The following GMDS variants were observed in gnomAD, a reference collection of about 807,000 sequenced individuals.
The protein encoded by GMDS is GDP-mannose 4,6-dehydratase.
A neutral mutation model predicts 49.9 loss-of-function variants in GMDS; 20 were observed. The observed-to-expected ratio is 0.40, with a 90% CI of 0.28 to 0.58. The LOEUF (loss-of-function observed/expected upper bound fraction) is 0.58. GMDS is among the 20% of genes least tolerant of loss of function. The probability of loss-of-function intolerance (pLI) is 0.42; values close to 1 mark genes in which losing one functional copy is unlikely to be tolerated. For missense variants in GMDS, 362 were observed against 481.4 expected (o/e 0.75, Z 2.32); for synonymous variants, 177 against 178.6 (o/e 0.99, Z 0.07).
chr6:2,134,166 G>A (rs961550779), intron 1 of GMDS, among the ~76,000 whole-genome samples: 2 of 152,152 alleles, frequency 1.3e-5, no homozygotes, highest in African/African-American at 4.8e-5. Flanking sequence ...ATTCTAGATA[G>A]CTCAGCTCCA....
intron 1 of GMDS, among the ~76,000 whole-genome samples, chr6:2,167,174 C>T (rs937507086): frequency 2.0e-5 from 3 of 152,098 alleles, no homozygotes; most frequent in Non-Finnish European, 4.4e-5. Flanking sequence ...TTAAACTTTT[C>T]GTAGCATTTC....
chr6:1,711,995 TCTC>T (rs559276047), intron 9 of GMDS, among the ~76,000 whole-genome samples: 12 of 152,034 alleles, frequency 7.9e-5, no homozygotes, highest in Non-Finnish European at 1.6e-4. Flanking sequence ...ACCCAACACT[TCTC>T]CTCTGTTTAC....
intron 4 of GMDS, among the ~76,000 whole-genome samples, chr6:1,978,470 G>A (rs1167775852): frequency 6.6e-6 from 1 of 152,160 alleles, no homozygotes; most frequent in Non-Finnish European, 1.5e-5. Flanking sequence ...CCACCATGAA[G>A]GCTGTTTTGT....
chr6:1,867,308 G>T (rs1266637758), intron 7 of GMDS, among the ~76,000 whole-genome samples: 4 of 152,170 alleles, frequency 2.6e-5, no homozygotes, highest in Admixed American at 2.6e-4. Flanking sequence ...TTTCTAAAAA[G>T]AAATTATTTT....
chr6:1,642,581 C>A (rs1264925204), intron 9 of GMDS, among the ~76,000 whole-genome samples: 2 of 152,194 alleles, frequency 1.3e-5, no homozygotes, highest in Admixed American at 1.3e-4. Context: ...TCTCCACCTT[C>A]CCCCTAAGGT....
chr6:1,822,997 T>C (rs1658715837), intron 7 of GMDS, among the ~76,000 whole-genome samples: 1 of 152,178 alleles, frequency 6.6e-6, no homozygotes, highest in Admixed American at 6.5e-5. Context: ...ACTATAAATT[T>C]GGGTCATTTA....
intron 4 of GMDS, among the ~76,000 whole-genome samples, chr6:2,021,982 G>C (rs901295739): frequency 3.9e-5 from 6 of 152,192 alleles, no homozygotes; most frequent in African/African-American, 1.4e-4. Flanking sequence ...AATGGCCTTT[G>C]TGTAATCCTA....
intron 6 of GMDS, among the ~76,000 whole-genome samples, chr6:1,945,402 G>A (rs1763032740): frequency 6.6e-6 from 1 of 152,008 alleles, no homozygotes; most frequent in Non-Finnish European, 1.5e-5. Flanking sequence ...TACACTTTCT[G>A]GAAATTAGGT....
Position 2,115,857 on chromosome 6 carries a change from G to T in GMDS, c.259C>A (p.Leu87Ile). Reference sequence around the variant, plus strand: ...TTCACAAGGCAGGTACTGTCAGTGAGATCGCCATAGTGCAACTTCATGTCT... The same window carrying T: ...TTCACAAGGCAGGTACTGTCAGTGATATCGCCATAGTGCAACTTCATGTCT... ...EGNMKLHYGD[L>I]TDSTCLVKII... Residue 87 changes from leucine (L) to isoleucine (I), a missense_variant, in exon 4 of 11, where the codon CTC becomes ATC. Leu to Ile is a conservative substitution (Grantham distance 5). Coordinates refer to ENST00000380815, the MANE Select transcript of GMDS (RefSeq NM_001500.4). 1 of 1,599,466 alleles carries T rather than the reference G, an allele frequency of 6.3e-7. No individual in the cohort carries two copies. The highest frequency in any genetic ancestry group is 2.2e-5 in the East Asian group (1 of 44,810).
chr6:2,228,063 C>G (rs1044440901), intron 1 of GMDS, among the ~76,000 whole-genome samples: 2 of 152,208 alleles, frequency 1.3e-5, no homozygotes, highest in Non-Finnish European at 2.9e-5. Context: ...AGTGCTGAAC[C>G]TAGACAAAAT....
rs538675138 is a variant in GMDS, at chr6:1,833,035, G to A, written c.772-90449C>T. On this transcript the variant is annotated intron_variant, in intron 7 of 10. Transcript: ENST00000380815. This position sits in a 1 kb window ranked among gnomAD's most constrained non-coding sequence, Gnocchi z 4.4. ...GTGCAACCACTGTCAGTTTTGTGGGGTTGGCCTCTGATCACTCACACAAAG... is the reference window on the plus strand; with the variant it reads ...GTGCAACCACTGTCAGTTTTGTGGGATTGGCCTCTGATCACTCACACAAAG... 2.2e-4 allele frequency among the ~76,000 whole-genome samples: 33 copies of A among 152,106 alleles called. No individual in the cohort carries two copies. The highest frequency in any genetic ancestry group is 8.0e-4 in the African/African-American group (33 of 41,478).
At chr6:1,624,407 TGA>T in intron 10 of GMDS, 63 bp downstream of exon 10, 2 of 1,475,470 alleles carry the variant, frequency 1.4e-6, no homozygotes, top group Non-Finnish European at 1.9e-6. Flanking sequence ...CGCCCGACCC[TGA>T]GAGCTGCCGC....
chr6:2,183,607 G>A (rs1001873823), intron 1 of GMDS, among the ~76,000 whole-genome samples: 1 of 152,196 alleles, frequency 6.6e-6, no homozygotes, highest in East Asian at 1.9e-4. Flanking sequence ...AGCAGCAGCA[G>A]GGTTTGAGAA....
At chr6:1,655,773 G>A (rs1763859273) in intron 9 of GMDS, among the ~76,000 whole-genome samples, 1 of 152,168 alleles carries the variant, frequency 6.6e-6, no homozygotes, top group African/African-American at 2.4e-5. Flanking sequence ...CCAAAGTGCT[G>A]GGATTACAGG....
At chr6:1,853,071 G>T (rs1438021950) in intron 7 of GMDS, among the ~76,000 whole-genome samples, 2 of 152,088 alleles carry the variant, frequency 1.3e-5, no homozygotes, top group Non-Finnish European at 2.9e-5. Context: ...AGAGAAAGGG[G>T]AAAGGGGAAA....
chr6:2,056,033 T>G (rs942368090), intron 4 of GMDS, among the ~76,000 whole-genome samples: 2 of 152,156 alleles, frequency 1.3e-5, no homozygotes, highest in Admixed American at 6.5e-5. Context: ...TAAGACATCA[T>G]CAATGTAAGA....
intron 4 of GMDS, among the ~76,000 whole-genome samples, chr6:1,964,934 T>C (rs1179393968): frequency 6.6e-6 from 1 of 152,190 alleles, no homozygotes; most frequent in African/African-American, 2.4e-5. Context: ...TGGTTTTTTG[T>C]CCTTGTAATA....
intron 7 of GMDS, among the ~76,000 whole-genome samples, chr6:1,858,697 C>A (rs1315329212): frequency 6.6e-6 from 1 of 151,944 alleles, no homozygotes; most frequent in Non-Finnish European, 1.5e-5. Flanking sequence ...GCTTTTTTAA[C>A]TCCCAAGATC....
At chr6:1,638,167 A>C (rs1358620017) in intron 9 of GMDS, among the ~76,000 whole-genome samples, 2 of 152,160 alleles carry the variant, frequency 1.3e-5, no homozygotes, top group African/African-American at 4.8e-5. Context: ...CAGGAATGGA[A>C]CCTAAGAGTT....
Sources: allele counts gnomAD v4.1 joint callset (sites outside exome capture counted in the v4.1 genomes callset), GRCh38; gene constraint gnomAD v4.1.1; non-coding constraint Gnocchi (gnomAD v3.1); transcripts MANE v1.5; gene names NCBI Gene and HGNC (gene_info 2026-07-23, HGNC 2026-07-21).